Variants in CIRSR observed in about 807,000 individuals in gnomAD.
The protein encoded by CIRSR is CBF1 (RBPJ) interacting corepressor 1.
At chr2:174,370,082 T>G in the CIRSR span, 10 of 1,336,944 alleles carry the variant, frequency 7.5e-6, no homozygotes, top group Non-Finnish European at 9.9e-6. Context: ...CAGGGCTGGT[T>G]CATCCACTAT....
At chr2:174,392,163 A>G in the CIRSR span, among the ~76,000 whole-genome samples, 4 of 152,100 alleles carry the variant, frequency 2.6e-5, no homozygotes, top group Admixed American at 6.6e-5. Flanking sequence ...ACACCCAGCT[A>G]ATTTTTGTAC....
chr2:174,362,250 G>C, the CIRSR span, among the ~76,000 whole-genome samples: 1 of 152,056 alleles, frequency 6.6e-6, no homozygotes, highest in African/African-American at 2.4e-5. Context: ...AGGCTGCAGT[G>C]AGCTGCGACT....
chr2:174,381,023 TCA>T, the CIRSR span, among the ~76,000 whole-genome samples: 2 of 152,208 alleles, frequency 1.3e-5, no homozygotes, highest in African/African-American at 2.4e-5. Context: ...GTATGTTAAT[TCA>T]CAGTTTTTAA....
the CIRSR span, chr2:174,387,423 C>T: frequency 1.4e-4 from 42 of 303,358 alleles, no homozygotes; most frequent in African/African-American, 9.3e-4. Flanking sequence ...CATGATTGTT[C>T]TTCTAAGCTT....
chr2:174,362,686 C>CAAAA, the CIRSR span, among the ~76,000 whole-genome samples: 103 of 20,672 alleles, frequency 5.0e-3, 14 homozygotes, highest in African/African-American at 0.01. Context: ...GACTCTGCCT[C>CAAAA]AAAAAAAAAA....
chr2:174,380,301 A>C, the CIRSR span: 1 of 1,314,612 alleles, frequency 7.6e-7, no homozygotes, highest in African/African-American at 1.5e-5. Context: ...AATTTAAAAA[A>C]TTAAACAGCA....
chr2:174,386,192 T>C, the CIRSR span, among the ~76,000 whole-genome samples: 2 of 152,072 alleles, frequency 1.3e-5, no homozygotes, highest in Non-Finnish European at 2.9e-5. Flanking sequence ...GTTGTTGTTG[T>C]TTATCTGAGA....
the CIRSR span, chr2:174,348,616 C>T: frequency 7.4e-6 from 12 of 1,614,042 alleles, no homozygotes; most frequent in Non-Finnish European, 1.0e-5. Flanking sequence ...TGCTCTTCAC[C>T]AGGATTTCGC....
At chr2:174,389,889 C>T in the CIRSR span, among the ~76,000 whole-genome samples, 13 of 152,198 alleles carry the variant, frequency 8.5e-5, no homozygotes, top group East Asian at 5.8e-4. Flanking sequence ...CCTACACGTG[C>T]GCAGAAGGCA....
At chr2:174,354,787 A>G in the CIRSR span, among the ~76,000 whole-genome samples, 1 of 120,624 alleles carries the variant, frequency 8.3e-6, no homozygotes, top group Non-Finnish European at 1.6e-5. Flanking sequence ...TTTTTGGTAG[A>G]GACAGGGTTT....
chr2:174,362,590 G>A, the CIRSR span, among the ~76,000 whole-genome samples: 3 of 149,626 alleles, frequency 2.0e-5, no homozygotes, highest in African/African-American at 5.0e-5. Context: ...GGCTGAGGCA[G>A]GAGAATGGCA....
At chr2:174,393,934 T>C in the CIRSR span, among the ~76,000 whole-genome samples, 2 of 152,178 alleles carry the variant, frequency 1.3e-5, no homozygotes, top group African/African-American at 4.8e-5. Flanking sequence ...CCTCTCCCCA[T>C]AAAGTGTTAA....
chr2:174,377,506 A>G, the CIRSR span, among the ~76,000 whole-genome samples: 1 of 152,190 alleles, frequency 6.6e-6, no homozygotes, highest in Non-Finnish European at 1.5e-5. Context: ...CTGCACAAAT[A>G]GTTTCCTTCT....
At chr2:174,357,216 A>G in the CIRSR span, among the ~76,000 whole-genome samples, 1 of 152,226 alleles carries the variant, frequency 6.6e-6, no homozygotes, top group African/African-American at 2.4e-5. Context: ...CATTCTGGAC[A>G]GTGATGCCAT....
chr2:174,392,304 C>A, the CIRSR span, among the ~76,000 whole-genome samples: 4 of 152,068 alleles, frequency 2.6e-5, no homozygotes, highest in Admixed American at 2.6e-4. Flanking sequence ...GCGGGGGTTT[C>A]TTTTTGGGGT....
the CIRSR span, among the ~76,000 whole-genome samples, chr2:174,368,286 G>A: frequency 3.9e-4 from 60 of 152,074 alleles, no homozygotes; most frequent in Non-Finnish European, 7.8e-4. Context: ...TCTCCCACTT[G>A]TATAGAACAT....
chr2:174,374,510 C>A, the CIRSR span, among the ~76,000 whole-genome samples: 1 of 152,012 alleles, frequency 6.6e-6, no homozygotes, highest in African/African-American at 2.4e-5. Context: ...ATGTCAAATA[C>A]AGAATTGGCA....
At chr2:174,375,641 T>A in the CIRSR span, among the ~76,000 whole-genome samples, 1 of 152,152 alleles carries the variant, frequency 6.6e-6, no homozygotes, top group East Asian at 1.9e-4. Context: ...AAATGTTCAT[T>A]TTACCACACT....
At chr2:174,366,944 A>T in the CIRSR span, among the ~76,000 whole-genome samples, 1 of 152,230 alleles carries the variant, frequency 6.6e-6, no homozygotes, top group Admixed American at 6.5e-5. Flanking sequence ...CGCTAAAAAA[A>T]TTTTTAGAGT....
Sources: gnomAD v4.1 joint callset for allele counts (sites outside exome capture counted in the v4.1 genomes callset) on GRCh38, gnomAD v4.1.1 for gene constraint, MANE v1.5 for transcripts, NCBI Gene and HGNC (gene_info 2026-07-23, HGNC 2026-07-21) for gene names.